Variants in RHPN2 observed in about 807,000 individuals in gnomAD.
RHPN2 encodes rhophilin-2.
Under a neutral mutation model 79.0 loss-of-function variants are expected in RHPN2, and 40 were observed. The observed-to-expected ratio is 0.51, with a 90% CI of 0.39 to 0.66. The LOEUF is 0.66. RHPN2 is among the 30% of genes least tolerant of loss of function. The pLI is 0.00. For synonymous variants in RHPN2, 285 were observed against 363.5 expected, an observed-to-expected ratio of 0.78 and a Z score of 2.46; for missense variants, 686 against 883.5, an observed-to-expected ratio of 0.78 and a Z score of 2.83.
At position 33,046,860 on chromosome 19, in the gene RHPN2, AT is replaced by A. The variant is rs57187046; in HGVS notation, c.70-2497del. On this transcript the variant is annotated intron_variant, in intron 1 of 14. Transcript: ENST00000254260. The stretch of plus-strand genomic sequence containing the variant: ...AAATATCAATTCAGATCCTTTGCCC[AT>A]TTTTTTTTTTTGAAACAGGGTCTCA... Among the ~76,000 whole-genome samples, 1,008 of 144,764 alleles carry A rather than the reference AT, an allele frequency of 7.0e-3. 4 individuals carry two copies. The highest frequency in any genetic ancestry group is 0.021 in the African/African-American group (839 of 40,006). The allele number at this position is 144,764 out of a possible 152,430, so 95.0% of individuals were successfully genotyped here. A position where few individuals can be genotyped will look rare whatever the true frequency, so the allele number is the denominator to read the frequency against.
chr19:33,044,922 A>G (rs1384198313), intron 1 of RHPN2, among the ~76,000 whole-genome samples: 2 of 151,996 alleles, frequency 1.3e-5, no homozygotes, highest in Non-Finnish European at 2.9e-5. Flanking sequence ...TTAAAGACAT[A>G]TCTCTAGGGC....
At chr19:33,017,011 A>C (rs982764125) in intron 4 of RHPN2, among the ~76,000 whole-genome samples, 3 of 152,228 alleles carry the variant, frequency 2.0e-5, no homozygotes, top group Non-Finnish European at 4.4e-5. Context: ...TGGAATTCAG[A>C]ACATGACCCA....
In RHPN2 at chr19:32,989,761, G is replaced by C. The variant is rs191088102; in HGVS notation, c.1800+753C>G. 1.8e-3 allele frequency among the ~76,000 whole-genome samples: 272 copies of C among 152,062 alleles called. 5 individuals carry two copies. The East Asian group carries it at 0.032, about 18-fold the overall frequency. On this transcript the variant is annotated intron_variant, in intron 14 of 14. Transcript: ENST00000254260. ...AAGGTGAGAGGATGGCTTGAGCCCA[G>C]GAGTTCAAGACCAGCCTTGGCAACA... is the stretch of plus-strand genomic sequence containing the variant.
chr19:32,997,577 C>T (rs551268439), intron 10 of RHPN2, among the ~76,000 whole-genome samples: 76 of 152,078 alleles, frequency 5.0e-4, no homozygotes, highest in Admixed American at 9.2e-4. Flanking sequence ...GCAACCTCCA[C>T]CTCCCAGGTT....
intron 1 of RHPN2, among the ~76,000 whole-genome samples, chr19:33,046,113 T>C (rs1972140825): frequency 7.4e-6 from 1 of 136,006 alleles, no homozygotes; most frequent in South Asian, 2.6e-4. Context: ...CATCATACAA[T>C]GGGCATGGGG....
intron 2 of RHPN2, among the ~76,000 whole-genome samples, chr19:33,043,509 G>A (rs1303442842): frequency 2.0e-5 from 3 of 152,130 alleles, no homozygotes; most frequent in South Asian, 2.1e-4. Flanking sequence ...CCGAGATCAC[G>A]CCACTGCACT....
intron 3 of RHPN2, among the ~76,000 whole-genome samples, chr19:33,025,789 A>G (rs1274410821): frequency 6.6e-6 from 1 of 152,224 alleles, no homozygotes; most frequent in African/African-American, 2.4e-5. Context: ...AGTTATGGTG[A>G]CCCACTAAAA....
At chr19:33,025,977 A>ATT (rs1182248476) in intron 3 of RHPN2, among the ~76,000 whole-genome samples, 17 of 105,616 alleles carry the variant, frequency 1.6e-4, no homozygotes, top group African/African-American at 5.0e-4. Flanking sequence ...TACTGTGTTC[A>ATT]TTTGTTTTTT....
At chr19:33,001,006 A>G (rs1010673206) in intron 9 of RHPN2, among the ~76,000 whole-genome samples, 2 of 152,178 alleles carry the variant, frequency 1.3e-5, no homozygotes, top group African/African-American at 4.8e-5. Context: ...TATATAAAGC[A>G]TTATTGAGCT....
intron 9 of RHPN2, among the ~76,000 whole-genome samples, chr19:33,001,425 C>T (rs1971748146): frequency 1.3e-5 from 2 of 151,962 alleles, no homozygotes; most frequent in Admixed American, 6.6e-5. Flanking sequence ...GCCTGTATTC[C>T]CAGCTATTTG....
chr19:33,019,921 T>C (rs1568317763), intron 4 of RHPN2, among the ~76,000 whole-genome samples: 1 of 152,098 alleles, frequency 6.6e-6, no homozygotes, highest in African/African-American at 2.4e-5. Flanking sequence ...TTGATGGAAT[T>C]TGGAGGTGAC....
intron 2 of RHPN2, among the ~76,000 whole-genome samples, chr19:33,033,631 G>A (rs2145255039): frequency 1.3e-5 from 2 of 151,802 alleles, no homozygotes; most frequent in South Asian, 4.2e-4. Flanking sequence ...CACTTTGGGA[G>A]GCCGAGGTGG....
At chr19:33,041,876 G>T (rs1374558183) in intron 2 of RHPN2, among the ~76,000 whole-genome samples, 2 of 152,138 alleles carry the variant, frequency 1.3e-5, no homozygotes, top group Non-Finnish European at 2.9e-5. Flanking sequence ...CCTCAACTGT[G>T]CCTGCCACTT....
chr19:32,981,174 T>C (rs1599802990), intron 14 of RHPN2, among the ~76,000 whole-genome samples: 1 of 151,984 alleles, frequency 6.6e-6, no homozygotes, highest in African/African-American at 2.4e-5. Flanking sequence ...AATTTAAGCT[T>C]AGGAGCCACA....
intron 1 of RHPN2, among the ~76,000 whole-genome samples, chr19:33,055,010 C>A (rs1209275196): frequency 6.6e-6 from 1 of 152,110 alleles, no homozygotes; most frequent in Non-Finnish European, 1.5e-5. Flanking sequence ...TGCAGCTGGG[C>A]AGACCCTCCC....
chr19:32,995,979 C>G (rs368107356), intron 11 of RHPN2, 47 bp downstream of exon 11: 5 of 1,601,638 alleles, frequency 3.1e-6, no homozygotes, highest in Non-Finnish European at 4.3e-6. Context: ...GTACTCTTTC[C>G]GCGGCACAGG....
At chr19:33,007,785 G>A (rs934925018) in intron 7 of RHPN2, among the ~76,000 whole-genome samples, 4 of 147,590 alleles carry the variant, frequency 2.7e-5, no homozygotes, top group African/African-American at 7.5e-5. Context: ...GTCTGGCCTC[G>A]ATCTCCTGAC....
At chr19:32,989,842 C>T (rs1207704933) in intron 14 of RHPN2, among the ~76,000 whole-genome samples, 2 of 152,096 alleles carry the variant, frequency 1.3e-5, no homozygotes, top group Admixed American at 6.6e-5. Context: ...TGGTGGCTCA[C>T]GCCTGTAATC....
intron 4 of RHPN2, 82 bp from the exon 5 acceptor site, chr19:33,012,806 C>A: frequency 1.3e-6 from 1 of 788,034 alleles, no homozygotes; most frequent in South Asian, 1.5e-5. Context: ...CAATTGTGAA[C>A]CCATTTTTAA....
Sources: gnomAD v4.1 joint callset for allele counts (sites outside exome capture counted in the v4.1 genomes callset) on GRCh38, gnomAD v4.1.1 for gene constraint, MANE v1.5 for transcripts, NCBI Gene and HGNC (gene_info 2026-07-23, HGNC 2026-07-21) for gene names.